COL22A1: variants seen among roughly 807,000 people sequenced by gnomAD.
The protein encoded by COL22A1 is collagen type XXII alpha 1 chain, also known as collagen alpha-1(XXII) chain.
Under a neutral mutation model 248.9 loss-of-function variants are expected in COL22A1, and 221 were observed. That is an observed-to-expected ratio of 0.89 (90% CI 0.80 to 0.99). COL22A1 has a LOEUF of 0.99. Among genes scored for constraint, COL22A1 ranks in the 50% least tolerant of loss-of-function variants. COL22A1 has a pLI of 0.00. For synonymous variants in COL22A1, 891 were observed against 793.4 expected (o/e 1.12, Z -2.07); for missense variants, 2,240 against 2,179.0 (o/e 1.03, Z -0.56).
At chr8:138,743,818 A>G (rs1831894715) in intron 22 of COL22A1, among the ~76,000 whole-genome samples, 1 of 152,104 alleles carries the variant, frequency 6.6e-6, no homozygotes, top group African/African-American at 2.4e-5. Context: ...CGGAACTGGT[A>G]TTTCCAAGGT....
intron 3 of COL22A1, among the ~76,000 whole-genome samples, chr8:138,870,743 GTA>G (rs1008239200): frequency 2.0e-5 from 3 of 151,718 alleles, no homozygotes; most frequent in African/African-American, 7.3e-5. Context: ...TAGTGTTTGT[GTA>G]TGTGTGTATG....
Position 138,755,640 on chromosome 8 carries a change from A to G in COL22A1, c.1948-129T>C, listed in dbSNP as rs946036725. 1.7e-5 allele frequency: 23 copies of G among 1,336,608 alleles called. 1 individual carries two copies. In the South Asian group the frequency reaches 2.6e-4, roughly 15 times the overall value. The allele number at this position is 1,336,608 out of a possible 1,614,324, so 82.8% of individuals were successfully genotyped here. A position where few individuals can be genotyped will look rare whatever the true frequency, so the allele number is the denominator to read the frequency against. ...TGTCGTGCCTCCTGACTTTTCTCTG[A>G]TTCTGCCCCATTTTTAGTGTTGAAA... is the stretch of plus-strand genomic sequence containing the variant. On this transcript the variant is annotated intron_variant, in intron 19 of 64. Transcript: ENST00000303045.
chr8:138,689,813 C>T (rs1282378159), intron 36 of COL22A1, among the ~76,000 whole-genome samples: 1 of 152,184 alleles, frequency 6.6e-6, no homozygotes, highest in Non-Finnish European at 1.5e-5. Flanking sequence ...CTCTGGGATC[C>T]TGTGCAGGAC....
At position 138,619,469 on chromosome 8, in the gene COL22A1, C is replaced by T. The variant is rs1472813930; in HGVS notation, c.3811G>A (p.Ala1271Thr). The change falls in exon 53 of 65, where the codon GCC becomes ACC. Residue 1271 changes from alanine to threonine, a missense_variant. Coordinates refer to ENST00000303045, the MANE Select transcript of COL22A1 (RefSeq NM_152888.3). ...TACACACTTACAGGTGGGCCTCGGG[C>T]ACCCTCTGGTCCTGGTAGACCTGGC... ...GEPGLPGPEG[A>T]RGPPGFKGHT... is the part of the protein sequence containing the mutation. The T allele has an allele frequency of 1.2e-6, 2 of 1,614,046 alleles. No homozygotes were observed. Among genetic ancestry groups the T allele is most frequent in the Non-Finnish European group, 1.7e-6 (2 of 1,179,996 alleles).
chr8:138,887,240 T>C (rs1824736995), intron 1 of COL22A1, among the ~76,000 whole-genome samples: 1 of 151,940 alleles, frequency 6.6e-6, no homozygotes, highest in Non-Finnish European at 1.5e-5. Flanking sequence ...TTTTTTTTTT[T>C]TTTAGATGGA....
chr8:138,602,293 T>C lies in COL22A1; in HGVS notation c.4141-134A>G. On this transcript the variant is annotated intron_variant, in intron 59 of 64. Coordinates refer to ENST00000303045, the MANE Select transcript of COL22A1 (RefSeq NM_152888.3). ...AAAGATAAGGTCCCCCGAGGGCTCC[T>C]TTCTGATTTATGCCTACATGGTGGG... The C allele has an allele frequency of 4.4e-6, 4 of 918,984 alleles. No individual in the cohort carries two copies. In the South Asian group the frequency reaches 6.1e-5, roughly 14 times the overall value. The allele number at this position is 918,984 out of a possible 1,614,324, so 56.9% of individuals were successfully genotyped here.
intron 41 of COL22A1, among the ~76,000 whole-genome samples, chr8:138,667,466 G>C (rs1378464225): frequency 6.6e-6 from 1 of 152,150 alleles, no homozygotes; most frequent in Admixed American, 6.5e-5. Flanking sequence ...AGGAAGACAA[G>C]CTGCAATAAT....
intron 10 of COL22A1, among the ~76,000 whole-genome samples, chr8:138,807,377 T>A (rs901988841): frequency 2.6e-5 from 4 of 152,130 alleles, no homozygotes; most frequent in African/African-American, 9.7e-5. Context: ...AATTTGGAAA[T>A]CATGTGTTTA....
At chr8:138,661,228 G>A (rs1187979574) in intron 43 of COL22A1, among the ~76,000 whole-genome samples, 2 of 152,198 alleles carry the variant, frequency 1.3e-5, no homozygotes, top group Non-Finnish European at 2.9e-5. Flanking sequence ...GAGTGGAACA[G>A]TGAAATTTGA....
chr8:138,646,670 G>A lies in COL22A1; in HGVS notation c.3460C>T (p.Pro1154Ser). Residue 1154 changes from proline (P) to serine (S), a missense_variant, in exon 47 of 65, where the codon CCT becomes TCT. Pro to Ser is a moderately conservative substitution (Grantham distance 74). Transcript: ENST00000303045. The stretch of plus-strand genomic sequence containing the variant: ...CCTGGGGGCCCTGGTAGGCCTGGAG[G>A]CCCAGCCTCTCCCTGTATCAGGGAT... The part of the protein sequence containing the change: ...GTEGKKGEAG[P>S]PGLPGPPGIA... 1 of 1,572,190 alleles carries A rather than the reference G, an allele frequency of 6.4e-7. No homozygotes were observed. Among genetic ancestry groups the A allele is most frequent in the Non-Finnish European group, 8.6e-7 (1 of 1,159,806 alleles).
Position 138,649,742 on chromosome 8 carries a change from G to T in COL22A1, c.3370C>A (p.Leu1124Ile), listed in dbSNP as rs1489112805. The T allele has an allele frequency of 6.2e-7, 1 of 1,607,316 alleles. No individual in the cohort carries two copies. Among genetic ancestry groups the T allele is most frequent in the South Asian group, 1.1e-5 (1 of 90,078 alleles). ...CNDCPPGPPG[L>I]PGLPGFKGDK... ...CCTTTAAAACCTGGTAGACCAGGGA[G>T]GCCTGGGGGGCCAGGAGGGCAGTCA... Residue 1124 changes from leucine (L) to isoleucine (I), a missense_variant, in exon 46 of 65, where the codon CTC (leucine) becomes ATC (isoleucine). Leu to Ile is a conservative substitution (Grantham distance 5). Transcript: ENST00000303045.
chr8:138,703,786 T>C (rs540374025), intron 30 of COL22A1, among the ~76,000 whole-genome samples: 2 of 152,210 alleles, frequency 1.3e-5, no homozygotes, highest in African/African-American at 2.4e-5. Context: ...TTTTGGACAG[T>C]GTGTGCAGCC....
At chr8:138,703,279 G>C (rs1039226031) in intron 31 of COL22A1, 27 bp downstream of exon 31, 3 of 1,601,890 alleles carry the variant, frequency 1.9e-6, no homozygotes, top group Non-Finnish European at 1.7e-6. Context: ...ATTCAGAGGA[G>C]AAAGAATTAG....
intron 44 of COL22A1, among the ~76,000 whole-genome samples, chr8:138,657,449 A>T (rs900117329): frequency 6.6e-6 from 1 of 152,256 alleles, no homozygotes; most frequent in East Asian, 1.9e-4. Flanking sequence ...AGAGTCAGTT[A>T]TATCAGACAC....
chr8:138,616,803 T>C (rs1476898122), intron 54 of COL22A1, 111 bp downstream of exon 54: 7 of 1,238,342 alleles, frequency 5.7e-6, no homozygotes, highest in Middle Eastern at 2.6e-4. Context: ...GTGCTCCACG[T>C]CCTCTCTCGG....
intron 47 of COL22A1, among the ~76,000 whole-genome samples, chr8:138,642,588 C>T (rs1238274463): frequency 1.3e-5 from 2 of 152,156 alleles, no homozygotes; most frequent in Non-Finnish European, 2.9e-5. Context: ...GCAAACCCTC[C>T]GTTGAAGCAA....
At chr8:138,800,616 T>C (rs1262405062) in intron 11 of COL22A1, among the ~76,000 whole-genome samples, 1 of 152,146 alleles carries the variant, frequency 6.6e-6, no homozygotes, top group Admixed American at 6.5e-5. Context: ...GCTTCCTCAA[T>C]CACAGTGCTA....
At chr8:138,747,516 C>T (rs1483586346) in intron 22 of COL22A1, among the ~76,000 whole-genome samples, 1 of 152,182 alleles carries the variant, frequency 6.6e-6, no homozygotes, top group Admixed American at 6.5e-5. Flanking sequence ...CACCACTCCA[C>T]ACCTGCGCCT....
chr8:138,598,757 G>T lies in COL22A1; in HGVS notation c.4327C>A (p.Pro1443Thr). ...AATCCCGGCTGGCCTGGAGGCCCTG[G>T]GGGTCCAACTGGTCCATTCTCCCCA... is the stretch of plus-strand genomic sequence containing the variant. ...LPGENGPVGP[P>T]GPPGQPGFPG... The change falls in exon 61 of 65, where the codon CCA becomes ACA. Residue 1443 changes from proline (P) to threonine (T), a missense_variant. Coordinates refer to ENST00000303045, the MANE Select transcript of COL22A1 (RefSeq NM_152888.3). The T allele has an allele frequency of 6.2e-7, 1 of 1,613,950 alleles. No homozygotes were observed. Among genetic ancestry groups the T allele is most frequent in the African/African-American group, 1.3e-5 (1 of 75,036 alleles).
Sources: gnomAD v4.1 joint callset for allele counts (sites outside exome capture counted in the v4.1 genomes callset) on GRCh38, gnomAD v4.1.1 for gene constraint, MANE v1.5 for transcripts, NCBI Gene and HGNC (gene_info 2026-07-23, HGNC 2026-07-21) for gene names.